The following ANXA13 variants were observed in gnomAD, a reference collection of about 807,000 sequenced individuals.
The protein encoded by ANXA13 is annexin A13.
A neutral mutation model predicts 46.6 loss-of-function variants in ANXA13; 36 were observed. That is an observed-to-expected ratio of 0.77 (90% CI 0.59 to 1.02). The LOEUF (loss-of-function observed/expected upper bound fraction) is 1.02, where lower values mean the gene tolerates loss of function less well. Among genes scored for constraint, ANXA13 ranks in the 50% least tolerant of loss-of-function variants. The pLI is 0.00. For synonymous variants in ANXA13, 163 were observed against 152.9 expected (o/e 1.07, Z -0.49); for missense variants, 417 against 396.5 (o/e 1.05, Z -0.44).
intron 1 of ANXA13, among the ~76,000 whole-genome samples, chr8:123,719,942 T>C (rs1344522813): frequency 6.6e-6 from 1 of 151,964 alleles, no homozygotes; most frequent in Admixed American, 6.6e-5. Context: ...TGGGATGTAG[T>C]AGCACGGTGC....
At chr8:123,721,550 G>A (rs976389162) in intron 1 of ANXA13, among the ~76,000 whole-genome samples, 16 of 152,170 alleles carry the variant, frequency 1.1e-4, no homozygotes, top group African/African-American at 3.9e-4. Flanking sequence ...CCTGATTCCT[G>A]CTGAGTGTTG....
At chr8:123,684,987 C>T (rs965573663) in intron 9 of ANXA13, among the ~76,000 whole-genome samples, 2 of 152,360 alleles carry the variant, frequency 1.3e-5, no homozygotes, top group Non-Finnish European at 2.9e-5. Context: ...CTCCCGGCCA[C>T]GTCCATGATT....
chr8:123,693,844 A>T, intron 6 of ANXA13, 65 bp from the exon 7 acceptor site: 1 of 1,440,218 alleles, frequency 6.9e-7, no homozygotes, highest in South Asian at 1.2e-5. Context: ...CAAACTAACA[A>T]AAAAAACAAA....
chr8:123,689,536 G>T (rs552294397), intron 8 of ANXA13, among the ~76,000 whole-genome samples: 214 of 152,144 alleles, frequency 1.4e-3, no homozygotes, highest in Admixed American at 2.9e-3. Context: ...GGGAGCCGGG[G>T]GTGCTGACCA....
intron 2 of ANXA13, chr8:123,712,411 C>T: frequency 2.0e-6 from 1 of 503,898 alleles, no homozygotes; most frequent in South Asian, 2.2e-5. Flanking sequence ...ATGAACTGCA[C>T]TTCTCATGAA....
chr8:123,711,307 T>C lies in ANXA13; in HGVS notation c.91+1371A>G, dbSNP rs552797695. ...CATCTACTCCAGCTGTCAGTCTCAG[T>C]ACCTTCCCTCCCTGTCCTGTTCAAG... On this transcript the variant is annotated intron_variant, in intron 2 of 10. Transcript: ENST00000419625. Among the ~76,000 whole-genome samples, 22 of 152,348 alleles carry C rather than the reference T, an allele frequency of 1.4e-4. No homozygotes were observed. The South Asian group carries it at 4.1e-3, about 29-fold the overall frequency.
chr8:123,696,842 G>A (rs1046878561), intron 4 of ANXA13, among the ~76,000 whole-genome samples: 1 of 152,212 alleles, frequency 6.6e-6, no homozygotes, highest in African/African-American at 2.4e-5. Flanking sequence ...CTTATTGGTT[G>A]AAGCCAGGAA....
chr8:123,698,339 C>A, intron 4 of ANXA13, 50 bp downstream of exon 4: 1 of 1,589,456 alleles, frequency 6.3e-7, no homozygotes, highest in Non-Finnish European at 8.6e-7. Context: ...GGGCTGCAAC[C>A]ATCTCTATTG....
At chr8:123,735,765 G>T in intron 1 of ANXA13, 3 of 1,611,452 alleles carry the variant, frequency 1.9e-6, no homozygotes, top group Non-Finnish European at 2.5e-6. Context: ...AGGCTGTGGG[G>T]CCTCTGGCTC....
intron 1 of ANXA13, among the ~76,000 whole-genome samples, chr8:123,720,944 T>C (rs1813858170): frequency 1.3e-5 from 2 of 152,154 alleles, no homozygotes; most frequent in Non-Finnish European, 2.9e-5. Context: ...TAATAAAGTA[T>C]AGGGTACAGT....
chr8:123,689,166 T>C (rs1813189881), intron 8 of ANXA13, among the ~76,000 whole-genome samples: 1 of 151,730 alleles, frequency 6.6e-6, no homozygotes, highest in Non-Finnish European at 1.5e-5. Context: ...TGACTCCCAA[T>C]GGATTTGACC....
At chr8:123,714,037 C>T (rs1327974628) in intron 1 of ANXA13, among the ~76,000 whole-genome samples, 2 of 152,198 alleles carry the variant, frequency 1.3e-5, no homozygotes, top group African/African-American at 4.8e-5. Flanking sequence ...GGTTTAAGTG[C>T]TACTGGCAGT....
At chr8:123,728,838 A>G (rs1814053614) in intron 1 of ANXA13, among the ~76,000 whole-genome samples, 1 of 152,164 alleles carries the variant, frequency 6.6e-6, no homozygotes, top group African/African-American at 2.4e-5. Context: ...ATTAATTTTT[A>G]GTCTATTATT....
rs74803977 is a variant in ANXA13 at position 123,684,518 on chromosome 8, A to G, written c.831+92T>C. The G allele has an allele frequency of 7.3e-4, 630 of 863,868 alleles. No homozygotes were observed. The African/African-American group carries it at 9.4e-3, about 13-fold the overall frequency. The allele number at this position is 863,868 out of a possible 1,614,324, so 53.5% of individuals were successfully genotyped here. On this transcript the variant is annotated intron_variant, in intron 10 of 10. Coordinates refer to ENST00000419625, the MANE Select transcript of ANXA13 (RefSeq NM_004306.4). ...CGTCTCTGTTTTACTTTTTCTGTAA[A>G]TAGGCCCTTAATAGAAACTATTTGT... is the stretch of plus-strand genomic sequence containing the variant.
Position 123,681,126 on chromosome 8 carries a change from A to T in ANXA13, c.*114T>A. On this transcript the variant is annotated 3_prime_UTR_variant, in exon 11 of 11. Transcript: ENST00000419625. ...GCTGCGCCACTTAAGCTGCCAAGAAAGTAATCCGGGACTCTTAAGGGTTTT... is the reference window on the plus strand; with the variant it reads ...GCTGCGCCACTTAAGCTGCCAAGAATGTAATCCGGGACTCTTAAGGGTTTT... 7.2e-7 allele frequency: 1 copy of T among 1,393,232 alleles called. No homozygotes were observed. The allele number at this position is 1,393,232 out of a possible 1,614,324, so 86.3% of individuals were successfully genotyped here. A position where few individuals can be genotyped will look rare whatever the true frequency, so the allele number is the denominator to read the frequency against.
chr8:123,681,156 C>T lies in ANXA13; in HGVS notation c.*84G>A, dbSNP rs1352786101. The T allele has an allele frequency of 8.6e-5, 129 of 1,495,884 alleles. No homozygotes were observed. The highest frequency in any genetic ancestry group is 1.1e-4 in the South Asian group (8 of 73,214). The allele number at this position is 1,495,884 out of a possible 1,614,324, so 92.7% of individuals were successfully genotyped here. On this transcript the variant is annotated 3_prime_UTR_variant, in exon 11 of 11. Transcript: ENST00000419625. ...TCCGGGACTCTTAAGGGTTTTCGTG[C>T]GGGAGTCTCATTTGCAAGTTTGATT...
At chr8:123,696,866 G>C (rs3824249) in intron 4 of ANXA13, among the ~76,000 whole-genome samples, 44,095 of 152,104 alleles carry the variant, frequency 0.29, 6,693 homozygotes, top group African/African-American at 0.37. Flanking sequence ...AAAGAAACTA[G>C]GCTGAGGGAG....
intron 1 of ANXA13, chr8:123,727,890 A>T (rs1339114238): frequency 6.6e-6 from 1 of 152,182 alleles, no homozygotes; most frequent in Non-Finnish European, 1.5e-5. Flanking sequence ...ATGGACCATG[A>T]TGTCTTACAT....
At chr8:123,701,553 A>G (rs1020295996) in intron 3 of ANXA13, among the ~76,000 whole-genome samples, 4 of 152,244 alleles carry the variant, frequency 2.6e-5, no homozygotes, top group Non-Finnish European at 2.9e-5. Context: ...TGAACTGAAG[A>G]TGCACTTATT....
Sources: allele counts gnomAD v4.1 joint callset (sites outside exome capture counted in the v4.1 genomes callset), GRCh38; gene constraint gnomAD v4.1.1; transcripts MANE v1.5; gene names NCBI Gene and HGNC (gene_info 2026-07-23, HGNC 2026-07-21).